Variants in CBFA2T2 observed in about 807,000 individuals in gnomAD.
The protein encoded by CBFA2T2 is CBFA2/RUNX1 partner transcriptional co-repressor 2.
In CBFA2T2, 11 loss-of-function variants were observed where a neutral mutation model predicts 62.2. The ratio of observed to expected loss-of-function variants is 0.18; its 90% CI spans 0.11 to 0.29. The LOEUF (loss-of-function observed/expected upper bound fraction) is 0.29. Ranked by LOEUF, CBFA2T2 falls within the 10% of genes least tolerant of loss-of-function variation. The probability of loss-of-function intolerance (pLI) is 1.00; values close to 1 mark genes in which losing one functional copy is unlikely to be tolerated. For synonymous variants in CBFA2T2, 295 were observed against 287.5 expected (o/e 1.03, Z -0.27); for missense variants, 592 against 774.1 (o/e 0.76, Z 2.79).
Position 33,617,925 on chromosome 20 carries a change from A to G in CBFA2T2, c.421-1592A>G, listed in dbSNP as rs1307553528. Among the ~76,000 whole-genome samples the G allele has an allele frequency of 8.5e-5, 13 of 152,358 alleles. No homozygotes were observed. In the East Asian group the frequency reaches 2.5e-3, roughly 29 times the overall value. Reference sequence around the variant, plus strand: ...AATCCAACATAATTGCACACTCAGAAATAACTGTTATTGTGATTATTCTCC... The same window carrying G: ...AATCCAACATAATTGCACACTCAGAGATAACTGTTATTGTGATTATTCTCC... On this transcript the variant is annotated intron_variant, in intron 3 of 10. Transcript: ENST00000342704.
At chr20:33,535,609 T>A (rs1480859285) in intron 1 of CBFA2T2, among the ~76,000 whole-genome samples, 2 of 144,044 alleles carry the variant, frequency 1.4e-5, no homozygotes, top group African/African-American at 5.6e-5. Context: ...TTTATTTTTA[T>A]TTTTTTATTT....
chr20:33,577,578 C>A (rs892916803), intron 1 of CBFA2T2, among the ~76,000 whole-genome samples: 1 of 152,144 alleles, frequency 6.6e-6, no homozygotes, highest in Non-Finnish European at 1.5e-5. Flanking sequence ...AAGACAGGAA[C>A]TATATAGTAG....
chr20:33,498,690 A>G (rs1455519183), intron 1 of CBFA2T2, among the ~76,000 whole-genome samples: 1 of 151,966 alleles, frequency 6.6e-6, no homozygotes, highest in Non-Finnish European at 1.5e-5. Context: ...TGGAAGCTGC[A>G]GTGATAGTGC....
chr20:33,619,674 G>A (rs1033175362), intron 4 of CBFA2T2, 68 bp downstream of exon 4: 146 of 1,192,390 alleles, frequency 1.2e-4, no homozygotes, highest in Non-Finnish European at 1.6e-4. Flanking sequence ...TCCCTGTTAC[G>A]TGATTTAAAT....
chr20:33,544,995 T>C (rs58367850), intron 1 of CBFA2T2, among the ~76,000 whole-genome samples: 4,204 of 128,290 alleles, frequency 0.033, 267 homozygotes, highest in African/African-American at 0.12. Context: ...TAGAATAGAA[T>C]AGAATAGAAT....
chr20:33,591,997 T>C (rs1292087137), intron 1 of CBFA2T2, among the ~76,000 whole-genome samples: 1 of 152,166 alleles, frequency 6.6e-6, no homozygotes, highest in Non-Finnish European at 1.5e-5. Flanking sequence ...GTTTTCATTG[T>C]CTGTCACCAT....
intron 1 of CBFA2T2, among the ~76,000 whole-genome samples, chr20:33,509,041 A>G (rs2011456850): frequency 1.3e-5 from 2 of 152,216 alleles, no homozygotes; most frequent in Admixed American, 1.3e-4. Context: ...AGGGAAAACA[A>G]GCAGATAATT....
At chr20:33,603,743 A>G (rs771763879) in intron 1 of CBFA2T2, among the ~76,000 whole-genome samples, 40 of 152,226 alleles carry the variant, frequency 2.6e-4, no homozygotes, top group Non-Finnish European at 4.9e-4. Flanking sequence ...AGGTTCTCCA[A>G]GATAGAAGAG....
intron 1 of CBFA2T2, chr20:33,600,612 C>T (rs2015093789): frequency 7.0e-6 from 2 of 284,144 alleles, no homozygotes; most frequent in Non-Finnish European, 1.4e-5. Context: ...GATACCACCT[C>T]TTGGGGGCAC....
intron 1 of CBFA2T2, chr20:33,574,048 C>A: frequency 7.1e-7 from 1 of 1,402,254 alleles, no homozygotes; most frequent in South Asian, 1.4e-5. Context: ...GTTGGCTGCC[C>A]AAAGTGCTGG....
chr20:33,614,923 C>G (rs567606594), intron 3 of CBFA2T2, among the ~76,000 whole-genome samples: 6 of 152,322 alleles, frequency 3.9e-5, no homozygotes, highest in Non-Finnish European at 8.8e-5. Context: ...TACAAGCAGG[C>G]CTTTCTAAGG....
chr20:33,497,458 A>G (rs1003205577), intron 1 of CBFA2T2, among the ~76,000 whole-genome samples: 1 of 150,530 alleles, frequency 6.6e-6, no homozygotes, highest in East Asian at 1.9e-4. Flanking sequence ...ATTTCTTTCT[A>G]GTTCCATTAT....
chr20:33,633,961 T>G (rs3787231), intron 8 of CBFA2T2, among the ~76,000 whole-genome samples: 6,096 of 152,266 alleles, frequency 0.04, 537 homozygotes, highest in East Asian at 0.39. Context: ...TAAAATTTTT[T>G]TTTGTTTGTT....
intron 5 of CBFA2T2, chr20:33,623,751 T>G (rs2016092514): frequency 1.4e-6 from 1 of 706,346 alleles, no homozygotes; most frequent in Non-Finnish European, 2.6e-6. Context: ...TGTGGTTATT[T>G]TTGCTTTATT....
At chr20:33,544,982 G>GAATAGAATAGAATAGAATAC (rs2012504141) in intron 1 of CBFA2T2, among the ~76,000 whole-genome samples, 1 of 149,572 alleles carries the variant, frequency 6.7e-6, no homozygotes, top group African/African-American at 2.5e-5. Flanking sequence ...GAATAGAATA[G>GAATAGAATAGAATAGAATAC]AATAGAATAG....
In CBFA2T2 at chr20:33,625,058, T is replaced by G. The variant is rs868563995; in HGVS notation, c.946+41T>G. 5 of 1,579,616 alleles carry G rather than the reference T, an allele frequency of 3.2e-6. No individual in the cohort carries two copies. In the Middle Eastern group the frequency reaches 6.8e-4, roughly 214 times the overall value. ...AGCATGGTAAATTCAGACTGGATTC[T>G]TGGATTTCTTTCCAACTCAATGATA... On this transcript the variant is annotated intron_variant, in intron 6 of 10. Transcript: ENST00000342704.
At chr20:33,567,125 G>A (rs557743806) in intron 1 of CBFA2T2, among the ~76,000 whole-genome samples, 1 of 152,320 alleles carries the variant, frequency 6.6e-6, no homozygotes, top group East Asian at 1.9e-4. Flanking sequence ...TTTCCAAACA[G>A]CATTTGACTT....
At chr20:33,550,385 C>G (rs943447794) in intron 1 of CBFA2T2, among the ~76,000 whole-genome samples, 1 of 152,100 alleles carries the variant, frequency 6.6e-6, no homozygotes, top group East Asian at 1.9e-4. Flanking sequence ...AACTCCCCTC[C>G]CCCTATTTTA....
chr20:33,606,983 T>C lies in CBFA2T2; in HGVS notation c.62T>C (p.Met21Thr). The change falls in exon 2 of 11, where the codon ATG becomes ACG. Residue 21 changes from methionine (M) to threonine (T), a missense_variant. Met to Thr is a moderately conservative substitution (Grantham distance 81). Around this residue, in one of 3 missense-constraint regions of CBFA2T2, gnomAD observed 449 missense variants for 551.2 expected, o/e 0.81. Coordinates refer to ENST00000342704, the MANE Select transcript of CBFA2T2 (RefSeq NM_001032999.3). ...GGTCCTGAGAAAAGGGTGCCAGCGA[T>C]GCCTGGATCGCCTGTGGAAGTGAAG... ...QLGPEKRVPAMPGSPVEVKIQ... is the reference protein window; with the variant it reads ...QLGPEKRVPATPGSPVEVKIQ... 1 of 1,614,010 alleles carries C rather than the reference T, an allele frequency of 6.2e-7. No individual in the cohort carries two copies. The highest frequency in any genetic ancestry group is 8.5e-7 in the Non-Finnish European group (1 of 1,179,904).
Sources: allele counts gnomAD v4.1 joint callset (sites outside exome capture counted in the v4.1 genomes callset), GRCh38; gene constraint gnomAD v4.1.1; regional missense constraint gnomAD v4.1.1; transcripts MANE v1.5; gene names NCBI Gene and HGNC (gene_info 2026-07-23, HGNC 2026-07-21).